GPR158: variants seen among roughly 807,000 people sequenced by gnomAD.
GPR158 encodes the protein G protein-coupled receptor 158.
In GPR158, 30 loss-of-function variants were observed where a neutral mutation model predicts 78.2. That is an observed-to-expected ratio of 0.38 (90% CI 0.29 to 0.52). The LOEUF is 0.52. Ranked by LOEUF, GPR158 falls within the 20% of genes least tolerant of loss-of-function variation. The pLI, the probability that GPR158 is intolerant of heterozygous loss-of-function variation, is 0.83. For synonymous variants in GPR158, 581 were observed against 591.1 expected (o/e 0.98, Z 0.25); for missense variants, 1,463 against 1,523.5 (o/e 0.96, Z 0.66).
chr10:25,522,252 A>C (rs1229558271), intron 5 of GPR158, among the ~76,000 whole-genome samples: 1 of 152,206 alleles, frequency 6.6e-6, no homozygotes, highest in Non-Finnish European at 1.5e-5. Flanking sequence ...CAAAATATTT[A>C]GATCCACGTT....
chr10:25,373,944 T>G (rs1834040226), intron 2 of GPR158, among the ~76,000 whole-genome samples: 1 of 151,732 alleles, frequency 6.6e-6, no homozygotes, highest in South Asian at 2.1e-4. Flanking sequence ...AGGTCAAATT[T>G]TTTGATTAGG....
chr10:25,316,022 ATATTTTC>A (rs1173510734), intron 2 of GPR158, among the ~76,000 whole-genome samples: 1 of 152,094 alleles, frequency 6.6e-6, no homozygotes, highest in East Asian at 1.9e-4. Flanking sequence ...ACTGTATTTT[ATATTTTC>A]TTTGCTTGAG....
Position 25,510,573 on chromosome 10 carries a change from G to GT in GPR158, c.1405-40397dup, listed in dbSNP as rs201926404. 5.3e-5 allele frequency among the ~76,000 whole-genome samples: 8 copies of GT among 152,166 alleles called. No homozygotes were observed. The South Asian group carries it at 1.5e-3, about 28-fold the overall frequency. On this transcript the variant is annotated intron_variant, in intron 5 of 10. Coordinates refer to ENST00000376351, the MANE Select transcript of GPR158 (RefSeq NM_020752.3). ...TTATTTATTATGTTTTATTTCAATAGTTTTTTGGGGAACAGGTGGTGTTTG... is the reference window on the plus strand; with the variant it reads ...TTATTTATTATGTTTTATTTCAATAGTTTTTTTGGGGAACAGGTGGTGTTTG...
At chr10:25,531,901 C>G (rs1201383525) in intron 5 of GPR158, among the ~76,000 whole-genome samples, 2 of 152,188 alleles carry the variant, frequency 1.3e-5, no homozygotes, top group Non-Finnish European at 2.9e-5. Context: ...AGAGCAGTCC[C>G]TTGGGCCTCC....
In GPR158 at chr10:25,175,191, G is replaced by C. The variant is rs1852505809; in HGVS notation, c.-230G>C. 4 of 460,952 alleles carry C rather than the reference G, an allele frequency of 8.7e-6. No homozygotes were observed. The highest frequency in any genetic ancestry group is 2.0e-5 in the African/African-American group (1 of 50,156). The allele number at this position is 460,952 out of a possible 1,614,324, so 28.6% of individuals were successfully genotyped here. A position where few individuals can be genotyped will look rare whatever the true frequency, so the allele number is the denominator to read the frequency against. Reference sequence around the variant, plus strand: ...GTGCGTAATCCCCAGCCGGCCCCTCGCGCAGCGGGCACGGCCAGCGCTGCC... The same window carrying C: ...GTGCGTAATCCCCAGCCGGCCCCTCCCGCAGCGGGCACGGCCAGCGCTGCC... On this transcript the variant is annotated 5_prime_UTR_variant, in exon 1 of 11. Coordinates refer to ENST00000376351, the MANE Select transcript of GPR158 (RefSeq NM_020752.3). This position sits in a 1 kb window ranked among gnomAD's most constrained non-coding sequence, Gnocchi z 6.4.
At chr10:25,195,946 T>C (rs558132619) in intron 1 of GPR158, among the ~76,000 whole-genome samples, 2 of 152,336 alleles carry the variant, frequency 1.3e-5, no homozygotes, top group African/African-American at 4.8e-5. Context: ...TGATTTATTA[T>C]ACCTTTGTAG....
At chr10:25,215,230 G>C (rs1488770142) in intron 1 of GPR158, among the ~76,000 whole-genome samples, 1 of 152,098 alleles carries the variant, frequency 6.6e-6, no homozygotes, top group Non-Finnish European at 1.5e-5. Context: ...GATGAACCTC[G>C]GGGACATTAT....
intron 2 of GPR158, among the ~76,000 whole-genome samples, chr10:25,370,780 C>A (rs1311912024): frequency 6.7e-6 from 1 of 149,620 alleles, no homozygotes; most frequent in African/African-American, 2.4e-5. Flanking sequence ...TTAAAGTCTC[C>A]CATTGTTATT....
chr10:25,336,830 C>G (rs554184819), intron 2 of GPR158, among the ~76,000 whole-genome samples: 14 of 152,178 alleles, frequency 9.2e-5, no homozygotes, highest in African/African-American at 3.4e-4. Context: ...AATTAATTAA[C>G]CAACCTTGGA....
At chr10:25,516,381 C>A (rs1588894813) in intron 5 of GPR158, among the ~76,000 whole-genome samples, 1 of 151,978 alleles carries the variant, frequency 6.6e-6, no homozygotes, top group Non-Finnish European at 1.5e-5. Flanking sequence ...TTAATTAGAT[C>A]CCATTTGTCA....
intron 2 of GPR158, among the ~76,000 whole-genome samples, chr10:25,243,796 G>A (rs1348331504): frequency 6.6e-6 from 1 of 152,150 alleles, no homozygotes; most frequent in African/African-American, 2.4e-5. Flanking sequence ...CAATAGAATT[G>A]CATGTTTATT....
chr10:25,243,611 A>G (rs528341150), intron 2 of GPR158, among the ~76,000 whole-genome samples: 1 of 152,338 alleles, frequency 6.6e-6, no homozygotes, highest in African/African-American at 2.4e-5. Context: ...CCAAAGGAAC[A>G]TTCCCTTAAT....
rs1229184025 is a variant in GPR158 at position 25,598,216 on chromosome 10, G to A, written c.2590G>A (p.Asp864Asn). The A allele has an allele frequency of 3.1e-6, 5 of 1,614,144 alleles. No homozygotes were observed. The highest frequency in any genetic ancestry group is 4.2e-6 in the Non-Finnish European group (5 of 1,180,016). Residue 864 changes from aspartate (D) to asparagine (N), a missense_variant, in exon 11 of 11, where the codon GAC becomes AAC. Transcript: ENST00000376351. ...GKKLTQKLKE[D>N]SEAESTESVP... ...AAAACTAACACAAAAACTAAAAGAA[G>A]ACAGCGAGGCTGAGTCCACGGAGTC...
At chr10:25,385,898 C>G (rs1159909587) in intron 2 of GPR158, among the ~76,000 whole-genome samples, 1 of 152,114 alleles carries the variant, frequency 6.6e-6, no homozygotes, top group Non-Finnish European at 1.5e-5. Context: ...TTCTCCCATT[C>G]TGTAGGCTGA....
intron 2 of GPR158, among the ~76,000 whole-genome samples, chr10:25,243,431 A>G (rs1853651227): frequency 6.6e-6 from 1 of 152,188 alleles, no homozygotes; most frequent in Admixed American, 6.5e-5. Flanking sequence ...TCACAAGTGG[A>G]TCTTTTTGGA....
chr10:25,379,444 C>T, intron 2 of GPR158, among the ~76,000 whole-genome samples: 1 of 152,132 alleles, frequency 6.6e-6, no homozygotes, highest in Non-Finnish European at 1.5e-5. Flanking sequence ...AGTTTTTATT[C>T]ACTCTTAACT....
chr10:25,353,013 C>G (rs955769492), intron 2 of GPR158, among the ~76,000 whole-genome samples: 1 of 151,962 alleles, frequency 6.6e-6, no homozygotes, highest in South Asian at 2.1e-4. Flanking sequence ...AGATTATATT[C>G]TAGAGCTTTG....
intron 2 of GPR158, among the ~76,000 whole-genome samples, chr10:25,334,760 A>G (rs768571765): frequency 2.2e-4 from 34 of 151,918 alleles, no homozygotes; most frequent in Non-Finnish European, 4.7e-4. Flanking sequence ...TGTGAGAATA[A>G]AATGTGATAC....
chr10:25,210,281 CTT>C (rs147792199), intron 1 of GPR158, among the ~76,000 whole-genome samples: 2,786 of 152,274 alleles, frequency 0.018, 36 homozygotes, highest in Middle Eastern at 0.075. Context: ...TTAAAAATCT[CTT>C]AATGTTGCTA....
Sources: allele counts gnomAD v4.1 joint callset (sites outside exome capture counted in the v4.1 genomes callset), GRCh38; gene constraint gnomAD v4.1.1; non-coding constraint Gnocchi (gnomAD v3.1); transcripts MANE v1.5; gene names NCBI Gene and HGNC (gene_info 2026-07-23, HGNC 2026-07-21).